Variants in KIF18A observed in about 807,000 individuals in gnomAD.
KIF18A encodes the protein kinesin-like protein KIF18A.
KIF18A carries 67 observed loss-of-function variants against 103.3 expected under a neutral mutation model. The ratio of observed to expected loss-of-function variants is 0.65; its 90% CI spans 0.53 to 0.79. The LOEUF (loss-of-function observed/expected upper bound fraction) is 0.79, where lower values mean the gene tolerates loss of function less well. Ranked by LOEUF, KIF18A falls within the 30% of genes least tolerant of loss-of-function variation. KIF18A has a pLI of 0.00. For missense variants in KIF18A, 1,032 were observed against 1,062.5 expected, an observed-to-expected ratio of 0.97 and a Z score of 0.40; for synonymous variants, 367 against 355.5, an observed-to-expected ratio of 1.03 and a Z score of -0.36.
intron 11 of KIF18A, among the ~76,000 whole-genome samples, chr11:28,066,280 G>GA (rs1292333173): frequency 6.6e-6 from 1 of 151,956 alleles, no homozygotes; most frequent in East Asian, 1.9e-4. Flanking sequence ...CAATCCAAGA[G>GA]AATCAACTCT....
Position 28,068,256 on chromosome 11 carries a change from T to C in KIF18A, c.1590+1003A>G, listed in dbSNP as rs555144577. On this transcript the variant is annotated intron_variant, in intron 11 of 16. Transcript: ENST00000263181. ...TGGACACAGGGAGGGGAACATCACA[T>C]GCCAGAGGCTGTCAGGGGTAGGGGG... 2.6e-5 allele frequency among the ~76,000 whole-genome samples: 4 copies of C among 151,932 alleles called. No homozygotes were observed. The East Asian group carries it at 5.8e-4, about 22-fold the overall frequency.
At chr11:28,034,635 G>A (rs1001248641) in intron 15 of KIF18A, among the ~76,000 whole-genome samples, 4 of 151,722 alleles carry the variant, frequency 2.6e-5, no homozygotes, top group Admixed American at 6.6e-5. Flanking sequence ...AGAACTTGGC[G>A]AATACCTTGA....
chr11:28,071,155 A>C (rs1403121488), intron 10 of KIF18A, among the ~76,000 whole-genome samples: 1 of 152,212 alleles, frequency 6.6e-6, no homozygotes, highest in Non-Finnish European at 1.5e-5. Flanking sequence ...CCTTTCAGAG[A>C]GTTCACAAGG....
chr11:28,076,923 G>C (rs1185208805), intron 10 of KIF18A, 84 bp downstream of exon 10: 2 of 661,122 alleles, frequency 3.0e-6, no homozygotes, highest in East Asian at 7.5e-5. Flanking sequence ...AACAGAAGAA[G>C]AGACTCCTTC....
chr11:28,052,399 CTCTTTT>C (rs1850722710), intron 13 of KIF18A, among the ~76,000 whole-genome samples: 3 of 152,092 alleles, frequency 2.0e-5, no homozygotes, highest in Non-Finnish European at 4.4e-5. Context: ...TACTTTCATT[CTCTTTT>C]TCTTTGTACC....
At position 28,083,159 on chromosome 11, in the gene KIF18A, A is replaced by G; in HGVS notation, c.1149+10T>C. ...GCGCAAGACTAGCATAAAAATATAA[A>G]CAGACATACCTCTGCCTTCTGCTCA... On this transcript the variant is annotated intron_variant, in intron 8 of 16. Coordinates refer to ENST00000263181, the MANE Select transcript of KIF18A (RefSeq NM_031217.4). 1 of 1,574,296 alleles carries G rather than the reference A, an allele frequency of 6.4e-7. No individual in the cohort carries two copies. The highest frequency in any genetic ancestry group is 8.6e-7 in the Non-Finnish European group (1 of 1,168,762).
chr11:28,088,810 A>C, intron 5 of KIF18A, 89 bp from the exon 6 acceptor site: 2 of 1,004,992 alleles, frequency 2.0e-6, no homozygotes, highest in South Asian at 1.5e-5. Context: ...CACAAAATCA[A>C]AATTATTTTC....
At chr11:28,083,786 G>GT (rs1300728533) in intron 7 of KIF18A, among the ~76,000 whole-genome samples, 1 of 152,112 alleles carries the variant, frequency 6.6e-6, no homozygotes, top group African/African-American at 2.4e-5. Context: ...AGGGGCTAGT[G>GT]TAAGGGCTAC....
intron 13 of KIF18A, among the ~76,000 whole-genome samples, chr11:28,041,273 T>C (rs184565584): frequency 1.3e-5 from 2 of 151,722 alleles, no homozygotes; most frequent in African/African-American, 4.8e-5. Context: ...GAATAGACAG[T>C]GATGGGAGAT....
chr11:28,061,469 G>T (rs1850855609), intron 12 of KIF18A, among the ~76,000 whole-genome samples: 2 of 152,042 alleles, frequency 1.3e-5, no homozygotes, highest in Admixed American at 1.3e-4. Flanking sequence ...TCTGGGGTCT[G>T]ATATAGCAAA....
In KIF18A at chr11:28,063,159, G is replaced by A. The variant is rs186633978; in HGVS notation, c.1591-643C>T. On this transcript the variant is annotated intron_variant, in intron 11 of 16. Transcript: ENST00000263181. ...TAGAGCACTGGCCTATGAGTCATGTGATTTTAGAGATGGGCTTATAAGGCC... is the reference window on the plus strand; with the variant it reads ...TAGAGCACTGGCCTATGAGTCATGTAATTTTAGAGATGGGCTTATAAGGCC... Among the ~76,000 whole-genome samples the A allele has an allele frequency of 2.8e-4, 42 of 152,154 alleles. No homozygotes were observed. In the East Asian group the frequency reaches 4.2e-3, roughly 15 times the overall value.
intron 13 of KIF18A, among the ~76,000 whole-genome samples, chr11:28,055,911 G>A (rs1251689922): frequency 6.6e-6 from 1 of 152,086 alleles, no homozygotes. Flanking sequence ...AATTATAGTT[G>A]TCTCTCAGTA....
rs903248845 is a variant in KIF18A, at chr11:28,097,132, C to T, written c.325+491G>A. On this transcript the variant is annotated intron_variant, in intron 2 of 16. Coordinates refer to ENST00000263181, the MANE Select transcript of KIF18A (RefSeq NM_031217.4). ...CATCACTCAGGTAAGGAGTGTAGTA[C>T]CCCATAGGTAGTTTTTTGATCCTCA... is the stretch of plus-strand genomic sequence containing the variant. 2.0e-5 allele frequency among the ~76,000 whole-genome samples: 3 copies of T among 151,990 alleles called. No homozygotes were observed. The East Asian group carries it at 5.8e-4, about 29-fold the overall frequency.
rs760729837 is a variant in KIF18A at position 28,035,407 on chromosome 11, T to A, written c.2484A>T (p.Lys828Asn). ...CATACCTTGTTAATTTCCGTTTCCTTTTGGCAGCAGTAGTCATTGCCATGT... is the reference window on the plus strand; with the variant it reads ...CATACCTTGTTAATTTCCGTTTCCTATTGGCAGCAGTAGTCATTGCCATGT... ...PSYMAMTTAA[K>N]RKRKLTSSTS... Residue 828 changes from lysine to asparagine, a missense_variant, in exon 15 of 17, where the codon AAA becomes AAT. Coordinates refer to ENST00000263181, the MANE Select transcript of KIF18A (RefSeq NM_031217.4). 6.9e-6 allele frequency: 11 copies of A among 1,598,130 alleles called. No individual in the cohort carries two copies. The highest frequency in any genetic ancestry group is 9.4e-6 in the Non-Finnish European group (11 of 1,170,572).
chr11:28,029,645 C>T (rs1307537541), intron 15 of KIF18A, among the ~76,000 whole-genome samples: 1 of 152,080 alleles, frequency 6.6e-6, no homozygotes, highest in Non-Finnish European at 1.5e-5. Flanking sequence ...TCTCTCACCA[C>T]TCCTACTCAA....
intron 13 of KIF18A, among the ~76,000 whole-genome samples, chr11:28,045,983 A>G (rs113306889): frequency 0.028 from 4,241 of 151,412 alleles, 47 homozygotes; most frequent in Middle Eastern, 0.082. Context: ...GCAAATCAAA[A>G]CCACAATGAG....
chr11:28,062,156 A>G (rs1005260431), intron 12 of KIF18A, among the ~76,000 whole-genome samples: 1 of 152,114 alleles, frequency 6.6e-6, no homozygotes, highest in African/African-American at 2.4e-5. Context: ...TTTGTATTAC[A>G]TAGCATATAT....
chr11:28,040,235 T>G (rs1850541317), intron 13 of KIF18A, among the ~76,000 whole-genome samples: 1 of 151,334 alleles, frequency 6.6e-6, no homozygotes, highest in Admixed American at 6.6e-5. Flanking sequence ...AAGTGGAGAG[T>G]GTTGAGTTGG....
intron 3 of KIF18A, among the ~76,000 whole-genome samples, chr11:28,093,974 C>T (rs909623167): frequency 6.6e-6 from 1 of 152,088 alleles, no homozygotes. Context: ...TAAAACTGAT[C>T]AAAGTTAACA....
Sources: gnomAD v4.1 joint callset for allele counts (sites outside exome capture counted in the v4.1 genomes callset) on GRCh38, gnomAD v4.1.1 for gene constraint, MANE v1.5 for transcripts, NCBI Gene and HGNC (gene_info 2026-07-23, HGNC 2026-07-21) for gene names.